ARPC2: variants seen among roughly 807,000 people sequenced by gnomAD.
ARPC2 encodes the protein actin related protein 2/3 complex subunit 2.
In ARPC2, 4 loss-of-function variants were observed where a neutral mutation model predicts 38.6. The ratio of observed to expected loss-of-function variants is 0.10; its 90% CI spans 0.05 to 0.24. The LOEUF (loss-of-function observed/expected upper bound fraction) is 0.24. Among genes scored for constraint, ARPC2 ranks in the 10% least tolerant of loss-of-function variants. The probability of loss-of-function intolerance (pLI) is 1.00; values close to 1 mark genes in which losing one functional copy is unlikely to be tolerated. For missense variants in ARPC2, 229 were observed against 387.3 expected, an observed-to-expected ratio of 0.59 and a Z score of 3.43; for synonymous variants, 125 against 140.8, an observed-to-expected ratio of 0.89 and a Z score of 0.79.
In ARPC2 at chr2:218,248,928, G is replaced by C. The variant is rs527990259; in HGVS notation, c.677-436G>C. 2.6e-5 allele frequency among the ~76,000 whole-genome samples: 4 copies of C among 152,318 alleles called. No individual in the cohort carries two copies. The South Asian group carries it at 8.3e-4, about 32-fold the overall frequency. Reference sequence around the variant, plus strand: ...TCTCTGGCATCTGTTTTCTGGGAAGGTTTACTCTATTTCAGCACCAAGGAC... The same window carrying C: ...TCTCTGGCATCTGTTTTCTGGGAAGCTTTACTCTATTTCAGCACCAAGGAC... On this transcript the variant is annotated intron_variant, in intron 8 of 10. Coordinates refer to ENST00000315717, the MANE Select transcript of ARPC2 (RefSeq NM_152862.3).
At chr2:218,228,701 C>A in intron 3 of ARPC2, 37 bp from the exon 4 acceptor site, 1 of 1,354,282 alleles carries the variant, frequency 7.4e-7, no homozygotes. Flanking sequence ...TTTCCCATTC[C>A]CAAATTGTTA....
intron 5 of ARPC2, chr2:218,234,820 A>G (rs1418288321): frequency 2.2e-6 from 1 of 458,352 alleles, no homozygotes; most frequent in East Asian, 6.9e-5. Flanking sequence ...GATTTCAAGT[A>G]ATAAAAATCA....
intron 1 of ARPC2, 86 bp from the exon 2 acceptor site, chr2:218,217,377 C>T (rs999021389): frequency 1.6e-6 from 2 of 1,287,806 alleles, no homozygotes; most frequent in East Asian, 4.6e-5. Context: ...CCCAGCCCCA[C>T]TCAGGGGGCA....
intron 5 of ARPC2, among the ~76,000 whole-genome samples, chr2:218,238,114 A>T (rs1689816240): frequency 6.6e-6 from 1 of 152,186 alleles, no homozygotes; most frequent in Admixed American, 6.6e-5. Context: ...GCTATTGGGG[A>T]GGTATATGTA....
intron 2 of ARPC2, 62 bp from the exon 3 acceptor site, chr2:218,225,856 GTT>G (rs1233458515): frequency 5.6e-5 from 86 of 1,546,204 alleles, no homozygotes; most frequent in Non-Finnish European, 7.4e-5. Context: ...TGCCTTTCCA[GTT>G]CCCTTTGAAG....
intron 10 of ARPC2, 57 bp downstream of exon 10, chr2:218,249,978 G>C (rs1690144725): frequency 2.1e-6 from 3 of 1,435,690 alleles, no homozygotes; most frequent in Non-Finnish European, 2.9e-6. Flanking sequence ...CGAGAAGGAA[G>C]CAGTGGGCGC....
intron 5 of ARPC2, among the ~76,000 whole-genome samples, chr2:218,236,956 C>T (rs1689787203): frequency 6.6e-6 from 1 of 152,080 alleles, no homozygotes; most frequent in Non-Finnish European, 1.5e-5. Flanking sequence ...AATATTCTTG[C>T]AAAAACATCT....
intron 8 of ARPC2, among the ~76,000 whole-genome samples, chr2:218,248,252 T>C (rs1393763245): frequency 6.6e-6 from 1 of 152,208 alleles, no homozygotes; most frequent in African/African-American, 2.4e-5. Context: ...TCTGTTGTGG[T>C]GTTCATTTAC....
chr2:218,219,674 G>A (rs2106141554), intron 2 of ARPC2, among the ~76,000 whole-genome samples: 1 of 152,290 alleles, frequency 6.6e-6, no homozygotes, highest in Non-Finnish European at 1.5e-5. Context: ...ATGCATTGTA[G>A]GGAAGCTGTA....
chr2:218,229,133 A>C (rs1177775605), intron 4 of ARPC2: 1 of 213,960 alleles, frequency 4.7e-6, no homozygotes, highest in Non-Finnish European at 9.5e-6. Context: ...TGTTGCAAGA[A>C]TTAGGTTCTG....
At chr2:218,228,712 C>A in intron 3 of ARPC2, 26 bp from the exon 4 acceptor site, 6 of 1,413,800 alleles carry the variant, frequency 4.2e-6, no homozygotes, top group Non-Finnish European at 6.0e-6. Context: ...CAAATTGTTA[C>A]GCAATCTTAT....
Position 218,230,058 on chromosome 2 carries a change from A to G in ARPC2, c.222+1208A>G, listed in dbSNP as rs149237485. ...CCAGCTCAGCTCACTGCAACCTCCA[A>G]CTCCTGGGTTCAAGCAGTTCATCTG... is the stretch of plus-strand genomic sequence containing the variant. On this transcript the variant is annotated intron_variant, in intron 4 of 10. Coordinates refer to ENST00000315717, the MANE Select transcript of ARPC2 (RefSeq NM_152862.3). 3.8e-3 allele frequency among the ~76,000 whole-genome samples: 584 copies of G among 151,740 alleles called. 3 individuals are homozygous for G. The highest frequency in any genetic ancestry group is 0.014 in the African/African-American group (562 of 41,342).
chr2:218,249,777 C>G lies in ARPC2; in HGVS notation c.778-44C>G, dbSNP rs761790317. On this transcript the variant is annotated intron_variant, in intron 9 of 10. Transcript: ENST00000315717. Reference sequence around the variant, plus strand: ...GATGAAAGACAGCAAAGCTGTCTTTCTAGACCATGACTGTGCTTTAGTACC... The same window carrying G: ...GATGAAAGACAGCAAAGCTGTCTTTGTAGACCATGACTGTGCTTTAGTACC... 4.5e-6 allele frequency: 7 copies of G among 1,555,762 alleles called. No homozygotes were observed. The South Asian group carries it at 5.7e-5, about 13-fold the overall frequency.
At chr2:218,248,643 T>C (rs922884516) in intron 8 of ARPC2, among the ~76,000 whole-genome samples, 3 of 152,136 alleles carry the variant, frequency 2.0e-5, no homozygotes, top group Non-Finnish European at 4.4e-5. Flanking sequence ...ATATTTTTAG[T>C]AGAGATGGGG....
chr2:218,234,429 CAT>C (rs1689718600), intron 5 of ARPC2, 32 bp downstream of exon 5: 1 of 1,537,090 alleles, frequency 6.5e-7, no homozygotes, highest in African/African-American at 1.4e-5. Flanking sequence ...TATGGAATGA[CAT>C]GGGAAGAGAG....
chr2:218,227,125 C>G, intron 3 of ARPC2: 2 of 423,236 alleles, frequency 4.7e-6, no homozygotes, highest in Non-Finnish European at 9.7e-6. Context: ...TACCCTCCTA[C>G]TAACTGGCAT....
intron 10 of ARPC2, among the ~76,000 whole-genome samples, chr2:218,250,430 G>A (rs1690157866): frequency 6.6e-6 from 1 of 152,182 alleles, no homozygotes; most frequent in Admixed American, 6.5e-5. Context: ...TTGGGAGGCT[G>A]AGATGGGTGG....
intron 4 of ARPC2, chr2:218,234,144 A>G (rs1689712779): frequency 8.5e-6 from 4 of 469,192 alleles, no homozygotes; most frequent in Non-Finnish European, 1.1e-5. Flanking sequence ...ACTCTGTCCC[A>G]GGCATAAAAA....
chr2:218,219,689 G>A (rs888009674), intron 2 of ARPC2, among the ~76,000 whole-genome samples: 9 of 152,080 alleles, frequency 5.9e-5, no homozygotes, highest in Admixed American at 3.3e-4. Context: ...GCTGTATAGG[G>A]GGTGCACTGG....
Sources: gnomAD v4.1 joint callset for allele counts (sites outside exome capture counted in the v4.1 genomes callset) on GRCh38, gnomAD v4.1.1 for gene constraint, MANE v1.5 for transcripts, NCBI Gene and HGNC (gene_info 2026-07-23, HGNC 2026-07-21) for gene names.